Variants in TBC1D22A observed in about 807,000 individuals in gnomAD.
The protein encoded by TBC1D22A is TBC1 domain family member 22A, also known as putative GTPase activator.
In TBC1D22A, 38 loss-of-function variants were observed where a neutral mutation model predicts 60.2. That is an observed-to-expected ratio of 0.63 (90% CI 0.49 to 0.83). The LOEUF (loss-of-function observed/expected upper bound fraction) is 0.83, where lower values mean the gene tolerates loss of function less well. Ranked by LOEUF, TBC1D22A falls within the 40% of genes least tolerant of loss-of-function variation. The pLI, the probability that TBC1D22A is intolerant of heterozygous loss-of-function variation, is 0.00. For synonymous variants in TBC1D22A, 302 were observed against 281.7 expected, an observed-to-expected ratio of 1.07 and a Z score of -0.72; for missense variants, 628 against 701.0, an observed-to-expected ratio of 0.90 and a Z score of 1.18.
At chr22:47,030,947 T>G (rs926951624) in intron 10 of TBC1D22A, among the ~76,000 whole-genome samples, 2 of 152,170 alleles carry the variant, frequency 1.3e-5, no homozygotes, top group Admixed American at 6.5e-5. Flanking sequence ...CCCGCACCCT[T>G]CATGACGTGC....
At position 46,763,195 on chromosome 22, in the gene TBC1D22A, C is replaced by T. The variant is rs76663081; in HGVS notation, c.62+347C>T. 3.5e-3 allele frequency: 957 copies of T among 276,328 alleles called. 19 individuals carry two copies. Among genetic ancestry groups the T allele is most frequent in the East Asian group, 0.029 (417 of 14,488 alleles). The allele number at this position is 276,328 out of a possible 1,614,324, so 17.1% of individuals were successfully genotyped here. A position where few individuals can be genotyped will look rare whatever the true frequency, so the allele number is the denominator to read the frequency against. On this transcript the variant is annotated intron_variant, in intron 1 of 12. Transcript: ENST00000337137. ...AAGTTTGGTGGAGTCCGGAAGCTGG[C>T]CGGGCTGAGGCCCCCCGTCTGCTGG...
chr22:47,080,086 A>G (rs1569425872), intron 11 of TBC1D22A, among the ~76,000 whole-genome samples: 1 of 152,228 alleles, frequency 6.6e-6, no homozygotes, highest in Non-Finnish European at 1.5e-5. Flanking sequence ...AAACGTATAA[A>G]CTACCCTAAA....
chr22:46,937,669 T>C (rs73480754), intron 8 of TBC1D22A, among the ~76,000 whole-genome samples: 10,447 of 152,246 alleles, frequency 0.069, 602 homozygotes, highest in African/African-American at 0.15. Context: ...GGCATAGTTA[T>C]CAGAGGAGAC....
At chr22:47,006,547 C>G (rs1299563798) in intron 10 of TBC1D22A, among the ~76,000 whole-genome samples, 1 of 152,336 alleles carries the variant, frequency 6.6e-6, no homozygotes, top group East Asian at 1.9e-4. Flanking sequence ...CTTCTGTGGC[C>G]GTCTCAGGCC....
chr22:46,821,995 A>G (rs916721652), intron 4 of TBC1D22A, among the ~76,000 whole-genome samples: 1 of 151,690 alleles, frequency 6.6e-6, no homozygotes, highest in Non-Finnish European at 1.5e-5. Flanking sequence ...GTGGTCTTCA[A>G]ACTCTGATAT....
intron 8 of TBC1D22A, among the ~76,000 whole-genome samples, chr22:46,959,382 C>T (rs1007812700): frequency 3.9e-5 from 6 of 152,276 alleles, no homozygotes; most frequent in African/African-American, 9.6e-5. Flanking sequence ...GGTTGGTTGG[C>T]GGGGCCAGGT....
chr22:46,779,501 T>C (rs942861482), intron 1 of TBC1D22A, among the ~76,000 whole-genome samples: 7 of 152,160 alleles, frequency 4.6e-5, no homozygotes, highest in Non-Finnish European at 8.8e-5. Flanking sequence ...TCAGGTGATC[T>C]GCCCGCCTCG....
chr22:46,797,697 C>A, intron 4 of TBC1D22A, 77 bp downstream of exon 4: 1 of 1,429,828 alleles, frequency 7.0e-7, no homozygotes, highest in Non-Finnish European at 9.3e-7. Flanking sequence ...TTAAAGGATT[C>A]TATGTATGCT....
rs73182700 is a variant in TBC1D22A, at chr22:46,856,463, A to G, written c.638-22190A>G. ...CTGGAAAGTAAAAATGTGAACTTCA[A>G]GCTTCTAATTTGTTGAAAGGATTTA... On this transcript the variant is annotated intron_variant, in intron 4 of 12. Coordinates refer to ENST00000337137, the MANE Select transcript of TBC1D22A (RefSeq NM_014346.5). Among the ~76,000 whole-genome samples, 538 of 152,366 alleles carry G rather than the reference A, an allele frequency of 3.5e-3. 5 individuals are homozygous for G. The highest frequency in any genetic ancestry group is 7.0e-3 in the Non-Finnish European group (479 of 68,042).
At chr22:47,003,687 GTATACACACACCCTACACACAT>G (rs2061475238) in intron 10 of TBC1D22A, among the ~76,000 whole-genome samples, 1 of 103,502 alleles carries the variant, frequency 9.7e-6, no homozygotes, top group African/African-American at 5.6e-5. Flanking sequence ...ACACATGCCT[GTATACACACACCCTACACACAT>G]GCCTGTATAC....
chr22:47,164,424 T>A (rs1239450910), intron 12 of TBC1D22A, among the ~76,000 whole-genome samples: 1 of 151,916 alleles, frequency 6.6e-6, no homozygotes, highest in Non-Finnish European at 1.5e-5. Context: ...ACCTGGGGAG[T>A]GTCAGGTTGA....
intron 12 of TBC1D22A, among the ~76,000 whole-genome samples, chr22:47,146,481 C>A (rs894700452): frequency 6.6e-6 from 1 of 152,208 alleles, no homozygotes; most frequent in African/African-American, 2.4e-5. Flanking sequence ...CTCCTTTGGG[C>A]CAGGCCAAGA....
chr22:47,076,057 C>T (rs2064192801), intron 11 of TBC1D22A, among the ~76,000 whole-genome samples: 1 of 151,936 alleles, frequency 6.6e-6, no homozygotes, highest in African/African-American at 2.4e-5. Context: ...TAAATGTTGC[C>T]AGAATTACAA....
chr22:47,066,656 C>T (rs953777923), intron 11 of TBC1D22A, among the ~76,000 whole-genome samples: 7 of 152,198 alleles, frequency 4.6e-5, no homozygotes, highest in Non-Finnish European at 1.0e-4. Flanking sequence ...CCACAGTTCC[C>T]TGTACCTTGG....
In TBC1D22A at chr22:46,912,533, A is replaced by AGTCTGTCTGTCT. The variant is rs60462275; in HGVS notation, c.1015+350_1015+361dup. Among the ~76,000 whole-genome samples the AGTCTGTCTGTCT allele has an allele frequency of 3.9e-5, 6 of 151,950 alleles. 1 individual carries two copies. Among genetic ancestry groups the AGTCTGTCTGTCT allele is most frequent in the African/African-American group, 1.5e-4 (6 of 41,282 alleles). On this transcript the variant is annotated intron_variant, in intron 8 of 12. Coordinates refer to ENST00000337137, the MANE Select transcript of TBC1D22A (RefSeq NM_014346.5). ...CAATCGATCAGTCATTCAGTCAATC[A>AGTCTGTCTGTCT]GTCTGTCTGTCTGTCTATCTGTTTA...
chr22:46,784,850 A>G (rs2084091305), intron 1 of TBC1D22A, among the ~76,000 whole-genome samples: 1 of 152,240 alleles, frequency 6.6e-6, no homozygotes, highest in South Asian at 2.1e-4. Flanking sequence ...ATCTCATTTC[A>G]TACATGTTCT....
At chr22:47,016,031 G>A (rs1219039868) in intron 10 of TBC1D22A, among the ~76,000 whole-genome samples, 5 of 152,240 alleles carry the variant, frequency 3.3e-5, no homozygotes, top group African/African-American at 9.6e-5. Context: ...GAGCCACTAA[G>A]GATGGAAGTA....
rs1324219586 is a variant in TBC1D22A, at chr22:47,070,695, ACGG to A, written c.1329+33498_1329+33500del. On this transcript the variant is annotated intron_variant, in intron 11 of 12. Coordinates refer to ENST00000337137, the MANE Select transcript of TBC1D22A (RefSeq NM_014346.5). ...GTTTGGCTGGAGCGGGGCTGACCTG[ACGG>A]TTCCAGGCTGTTCCCTGTTGTTTGG... Among the ~76,000 whole-genome samples the A allele has an allele frequency of 8.3e-5, 6 of 72,496 alleles. 3 individuals carry two copies. The highest frequency in any genetic ancestry group is 1.0e-3 in the East Asian group (2 of 1,988). The allele number at this position is 72,496 out of a possible 152,430, so 47.6% of individuals were successfully genotyped here. A position where few individuals can be genotyped will look rare whatever the true frequency, so the allele number is the denominator to read the frequency against.
intron 11 of TBC1D22A, among the ~76,000 whole-genome samples, chr22:47,097,305 G>T (rs548290766): frequency 7.2e-5 from 11 of 152,184 alleles, no homozygotes; most frequent in Non-Finnish European, 1.6e-4. Context: ...TAAATGATAG[G>T]GAGTTTTTAT....
Sources: allele counts gnomAD v4.1 joint callset (sites outside exome capture counted in the v4.1 genomes callset), GRCh38; gene constraint gnomAD v4.1.1; transcripts MANE v1.5; gene names NCBI Gene and HGNC (gene_info 2026-07-23, HGNC 2026-07-21).